ESRRG: variants seen among roughly 807,000 people sequenced by gnomAD.
ESRRG encodes the protein estrogen related receptor gamma.
A neutral mutation model predicts 44.0 loss-of-function variants in ESRRG; 13 were observed. The ratio of observed to expected loss-of-function variants is 0.30; its 90% confidence interval spans 0.19 to 0.47. The LOEUF (loss-of-function observed/expected upper bound fraction) is 0.47, where lower values mean the gene tolerates loss of function less well. Ranked by LOEUF, ESRRG falls within the 20% of genes least tolerant of loss-of-function variation. The probability of loss-of-function intolerance (pLI) is 1.00; values close to 1 mark genes in which losing one functional copy is unlikely to be tolerated. For missense variants in ESRRG, 395 were observed against 580.6 expected (o/e 0.68, Z 3.29); for synonymous variants, 215 against 214.6 (o/e 1.00, Z -0.02).
intron 3 of ESRRG, among the ~76,000 whole-genome samples, chr1:216,638,849 G>A (rs1027642789): frequency 5.3e-5 from 8 of 152,108 alleles, no homozygotes; most frequent in Admixed American, 2.0e-4. Flanking sequence ...AACAGCTCCT[G>A]GGCAGAATAA....
chr1:216,719,927 T>C (rs529363475), intron 1 of ESRRG, among the ~76,000 whole-genome samples: 2 of 152,176 alleles, frequency 1.3e-5, no homozygotes, highest in South Asian at 4.1e-4. Flanking sequence ...AGCTGTTTCT[T>C]AGTCCTTTCT....
At position 216,595,184 on chromosome 1, in the gene ESRRG, T is replaced by A. The variant is rs532315692; in HGVS notation, c.590-27086A>T. On this transcript the variant is annotated intron_variant, in intron 3 of 6. Transcript: ENST00000408911. ...AACTAAACATTACATAGCACATTTT[T>A]AAAATGTTTAATGATAGAAAACATA... Among the ~76,000 whole-genome samples the A allele has an allele frequency of 1.5e-3, 221 of 152,294 alleles. 2 individuals carry two copies. The highest frequency in any genetic ancestry group is 2.2e-3 in the Non-Finnish European group (152 of 68,030).
At chr1:216,705,132 G>C (rs1239701490) in intron 1 of ESRRG, among the ~76,000 whole-genome samples, 1 of 152,012 alleles carries the variant, frequency 6.6e-6, no homozygotes, top group African/African-American at 2.4e-5. Context: ...GGCTAATCAA[G>C]TAGGTACCTG....
At chr1:216,559,948 C>T (rs2058390223) in intron 5 of ESRRG, among the ~76,000 whole-genome samples, 1 of 152,102 alleles carries the variant, frequency 6.6e-6, no homozygotes, top group African/African-American at 2.4e-5. Flanking sequence ...TTTATAGATT[C>T]CTTTCATTGC....
At chr1:216,661,194 CTCT>C (rs1342260171) in intron 2 of ESRRG, among the ~76,000 whole-genome samples, 4 of 152,250 alleles carry the variant, frequency 2.6e-5, no homozygotes, top group South Asian at 2.1e-4. Flanking sequence ...TGTGTACAGT[CTCT>C]TCTTCTTAGT....
intron 1 of ESRRG, among the ~76,000 whole-genome samples, chr1:216,967,815 C>G (rs1378939149): frequency 6.6e-6 from 1 of 152,076 alleles, no homozygotes; most frequent in Admixed American, 6.5e-5. Flanking sequence ...ACTGCCCAAA[C>G]TGTCTTCTAA....
intron 3 of ESRRG, among the ~76,000 whole-genome samples, chr1:216,602,486 C>T (rs1196397351): frequency 6.6e-6 from 1 of 152,156 alleles, no homozygotes; most frequent in Non-Finnish European, 1.5e-5. Context: ...CCAACTGTAA[C>T]AGGTGCTAAT....
intron 1 of ESRRG, among the ~76,000 whole-genome samples, chr1:216,704,359 C>CA (rs1004426230): frequency 1.1e-4 from 17 of 152,016 alleles, no homozygotes; most frequent in African/African-American, 3.6e-4. Flanking sequence ...ACTAAAAATA[C>CA]AAAAAAATTT....
At chr1:216,806,889 A>C (rs140926115) in intron 2 of ESRRG, among the ~76,000 whole-genome samples, 106 of 152,212 alleles carry the variant, frequency 7.0e-4, no homozygotes, top group African/African-American at 2.5e-3. Flanking sequence ...TATTGCCTTT[A>C]CCTCAATATG....
intron 1 of ESRRG, among the ~76,000 whole-genome samples, chr1:217,030,982 G>T (rs1312136818): frequency 6.6e-6 from 1 of 152,160 alleles, no homozygotes; most frequent in African/African-American, 2.4e-5. Flanking sequence ...GAAGCTGCTG[G>T]AAAATTTAAA....
chr1:216,916,545 T>C (rs969844595), intron 2 of ESRRG, among the ~76,000 whole-genome samples: 1 of 152,230 alleles, frequency 6.6e-6, no homozygotes, highest in Admixed American at 6.5e-5. Flanking sequence ...GCTCATGTTC[T>C]TTCTGATACA....
intron 3 of ESRRG, among the ~76,000 whole-genome samples, chr1:216,573,685 GC>G (rs1310964725): frequency 2.0e-5 from 3 of 151,458 alleles, no homozygotes; most frequent in East Asian, 1.9e-4. Flanking sequence ...TTTATTTCCT[GC>G]CCCCTCCCAT....
chr1:217,100,553 C>T (rs1340903385), intron 1 of ESRRG, among the ~76,000 whole-genome samples: 1 of 152,190 alleles, frequency 6.6e-6, no homozygotes. Flanking sequence ...TTCTGCATTG[C>T]TGTAAATACC....
chr1:216,740,047 C>T (rs1016327311), intron 2 of ESRRG, among the ~76,000 whole-genome samples: 2 of 152,190 alleles, frequency 1.3e-5, no homozygotes, highest in African/African-American at 4.8e-5. Context: ...TGAAGAACAG[C>T]CCCTTGGATC....
chr1:217,123,684 A>T (rs1476515733), intron 1 of ESRRG, among the ~76,000 whole-genome samples: 1 of 152,190 alleles, frequency 6.6e-6, no homozygotes, highest in Non-Finnish European at 1.5e-5. Context: ...GTTCTCACTT[A>T]TAAGTGGGAG....
At chr1:216,900,232 G>T (rs924708812) in intron 2 of ESRRG, among the ~76,000 whole-genome samples, 1 of 152,346 alleles carries the variant, frequency 6.6e-6, no homozygotes, top group East Asian at 1.9e-4. Flanking sequence ...CTACAGAGAA[G>T]AGTCAAAGAA....
rs557152955 is a variant in ESRRG, at chr1:216,789,250, G to A, written c.-13-111759C>T. 6.8e-4 allele frequency among the ~76,000 whole-genome samples: 104 copies of A among 152,172 alleles called. 1 individual carries two copies. Among genetic ancestry groups the A allele is most frequent in the Admixed American group, 5.2e-4 (8 of 15,264 alleles). Reference sequence around the variant, plus strand: ...AATCAATGTGGCAAACTTCATTGTCGTCTTATTTTAAGAAATTGTCATAGC... The same window carrying A: ...AATCAATGTGGCAAACTTCATTGTCATCTTATTTTAAGAAATTGTCATAGC... On this transcript the variant is annotated intron_variant, in intron 2 of 7. Coordinates refer to the ESRRG transcript ENST00000359162.
At chr1:216,584,898 A>T (rs773379820) in intron 3 of ESRRG, among the ~76,000 whole-genome samples, 2 of 152,220 alleles carry the variant, frequency 1.3e-5, no homozygotes, top group Non-Finnish European at 2.9e-5. Flanking sequence ...GAGTAGTTTT[A>T]AGACCAGCTG....
intron 1 of ESRRG, among the ~76,000 whole-genome samples, chr1:216,944,963 C>T (rs1433341562): frequency 2.0e-5 from 3 of 151,950 alleles, no homozygotes; most frequent in African/African-American, 4.8e-5. Flanking sequence ...AGCTCTAAGC[C>T]CAGGTTTTTC....
Sources: gnomAD v4.1 joint callset for allele counts (sites outside exome capture counted in the v4.1 genomes callset) on GRCh38, gnomAD v4.1.1 for gene constraint, MANE v1.5 for transcripts, NCBI Gene and HGNC (gene_info 2026-07-23, HGNC 2026-07-21) for gene names.